Variants in PLCXD3 observed in about 807,000 individuals in gnomAD.
PLCXD3 encodes phosphatidylinositol specific phospholipase C X domain containing 3.
PLCXD3 carries 19 observed loss-of-function variants against 25.5 expected under a neutral mutation model. The observed-to-expected ratio is 0.75, with a 90% CI of 0.52 to 1.09. The LOEUF (loss-of-function observed/expected upper bound fraction) is 1.09, where lower values mean the gene tolerates loss of function less well. PLCXD3 is among the 50% of genes least tolerant of loss of function. PLCXD3 has a pLI of 0.00. For synonymous variants in PLCXD3, 174 were observed against 137.6 expected (o/e 1.26, Z -1.85); for missense variants, 411 against 388.1 (o/e 1.06, Z -0.50).
intron 2 of PLCXD3, among the ~76,000 whole-genome samples, chr5:41,362,564 T>G (rs1744817836): frequency 6.6e-6 from 1 of 152,224 alleles, no homozygotes; most frequent in African/African-American, 2.4e-5. Flanking sequence ...ATTTTACAAT[T>G]GAGAATGTTA....
chr5:41,370,032 G>T (rs1745047096), intron 2 of PLCXD3, among the ~76,000 whole-genome samples: 1 of 152,154 alleles, frequency 6.6e-6, no homozygotes. Context: ...CAGATAGGAT[G>T]TCACAGCCCC....
At chr5:41,362,774 T>G (rs184082796) in intron 2 of PLCXD3, among the ~76,000 whole-genome samples, 2 of 152,314 alleles carry the variant, frequency 1.3e-5, no homozygotes, top group African/African-American at 4.8e-5. Flanking sequence ...AACCATGTAG[T>G]TTATTATAGT....
chr5:41,420,390 A>C (rs1746791687), intron 1 of PLCXD3, among the ~76,000 whole-genome samples: 2 of 152,236 alleles, frequency 1.3e-5, no homozygotes, highest in Admixed American at 1.3e-4. Context: ...CAAGCTAGGC[A>C]AAAACCCATG....
intron 1 of PLCXD3, among the ~76,000 whole-genome samples, chr5:41,426,953 T>C (rs1746968876): frequency 6.6e-6 from 1 of 152,184 alleles, no homozygotes; most frequent in Non-Finnish European, 1.5e-5. Context: ...TATATTTTAC[T>C]CTTTTCTGAT....
intron 2 of PLCXD3, among the ~76,000 whole-genome samples, chr5:41,319,876 C>G (rs948707088): frequency 6.6e-6 from 1 of 151,506 alleles, no homozygotes; most frequent in African/African-American, 2.4e-5. Flanking sequence ...ACTAAGAAAA[C>G]AAAAGAAGAT....
At chr5:41,376,027 G>A (rs138714837) in intron 2 of PLCXD3, among the ~76,000 whole-genome samples, 64 of 152,198 alleles carry the variant, frequency 4.2e-4, no homozygotes, top group South Asian at 4.1e-3. Flanking sequence ...TCTTAGCACA[G>A]TGCCTGGCAC....
At chr5:41,325,064 C>T (rs1396484909) in intron 2 of PLCXD3, among the ~76,000 whole-genome samples, 1 of 152,182 alleles carries the variant, frequency 6.6e-6, no homozygotes, top group Admixed American at 6.5e-5. Flanking sequence ...GAATTTAGAA[C>T]AACTAATTGT....
chr5:41,497,083 A>G (rs1383108120), intron 1 of PLCXD3, among the ~76,000 whole-genome samples: 2 of 151,784 alleles, frequency 1.3e-5, no homozygotes, highest in African/African-American at 4.8e-5. Context: ...AAAGAAGAAA[A>G]AAAAATCAGA....
At chr5:41,475,403 C>T (rs1339412871) in intron 1 of PLCXD3, among the ~76,000 whole-genome samples, 1 of 152,210 alleles carries the variant, frequency 6.6e-6, no homozygotes, top group Non-Finnish European at 1.5e-5. Context: ...TTCTGCTAGT[C>T]TCTACTAGTC....
chr5:41,452,532 A>T (rs1368870115), intron 1 of PLCXD3, among the ~76,000 whole-genome samples: 1 of 152,002 alleles, frequency 6.6e-6, no homozygotes, highest in Non-Finnish European at 1.5e-5. Flanking sequence ...TAGACTCCAA[A>T]CAAAACAAAA....
intron 1 of PLCXD3, among the ~76,000 whole-genome samples, chr5:41,439,685 T>C (rs1451121679): frequency 6.6e-6 from 1 of 152,146 alleles, no homozygotes; most frequent in Non-Finnish European, 1.5e-5. Context: ...AGAGAAAAAA[T>C]TCATCTTGTT....
chr5:41,381,083 G>GA (rs1745444822), intron 2 of PLCXD3, among the ~76,000 whole-genome samples: 1 of 152,094 alleles, frequency 6.6e-6, no homozygotes, highest in Non-Finnish European at 1.5e-5. Context: ...GGGGTCTTAA[G>GA]AAAAATATAT....
At chr5:41,398,611 A>G (rs1159754306) in intron 1 of PLCXD3, among the ~76,000 whole-genome samples, 1 of 152,234 alleles carries the variant, frequency 6.6e-6, no homozygotes, top group Non-Finnish European at 1.5e-5. Context: ...ATATCAACAG[A>G]ATGAAGAATA....
intron 1 of PLCXD3, among the ~76,000 whole-genome samples, chr5:41,477,002 C>A (rs576223023): frequency 1.3e-5 from 2 of 152,244 alleles, no homozygotes; most frequent in East Asian, 3.9e-4. Flanking sequence ...TGACAATGTT[C>A]TTCCCATTTC....
chr5:41,393,130 A>G (rs1415844752), intron 1 of PLCXD3, among the ~76,000 whole-genome samples: 2 of 152,202 alleles, frequency 1.3e-5, no homozygotes, highest in African/African-American at 4.8e-5. Flanking sequence ...GGAAAAAGTC[A>G]TAGGGGTAGA....
At chr5:41,368,506 TC>T (rs932944644) in intron 2 of PLCXD3, among the ~76,000 whole-genome samples, 1 of 152,202 alleles carries the variant, frequency 6.6e-6, no homozygotes, top group Non-Finnish European at 1.5e-5. Context: ...CTTTCTCTCT[TC>T]CTATTCGTAT....
chr5:41,410,759 T>C (rs1746495676), intron 1 of PLCXD3, among the ~76,000 whole-genome samples: 1 of 152,126 alleles, frequency 6.6e-6, no homozygotes, highest in African/African-American at 2.4e-5. Flanking sequence ...CAAAAGTCAG[T>C]GCCATATAGA....
intron 2 of PLCXD3, among the ~76,000 whole-genome samples, chr5:41,316,762 C>G (rs914177918): frequency 6.6e-6 from 1 of 152,146 alleles, no homozygotes; most frequent in Non-Finnish European, 1.5e-5. Flanking sequence ...TAGGGTGAGG[C>G]TCCTGTACCT....
chr5:41,446,236 T>TGG (rs1169039553), intron 1 of PLCXD3, among the ~76,000 whole-genome samples: 1 of 123,336 alleles, frequency 8.1e-6, no homozygotes, highest in South Asian at 2.7e-4. Flanking sequence ...TGGGGTTTGG[T>TGG]GGGGCAGGGG....
Sources: gnomAD v4.1 joint callset for allele counts (sites outside exome capture counted in the v4.1 genomes callset) on GRCh38, gnomAD v4.1.1 for gene constraint, MANE v1.5 for transcripts, NCBI Gene and HGNC (gene_info 2026-07-23, HGNC 2026-07-21) for gene names.